TTC3: variants seen among roughly 807,000 people sequenced by gnomAD.
TTC3 encodes the protein tetratricopeptide repeat domain 3, also known as E3 ubiquitin-protein ligase TTC3.
TTC3 carries 180 observed loss-of-function variants against 249.6 expected under a neutral mutation model. That is an observed-to-expected ratio of 0.72 (90% CI 0.64 to 0.82). The LOEUF (loss-of-function observed/expected upper bound fraction) is 0.82, where lower values mean the gene tolerates loss of function less well. Among genes scored for constraint, TTC3 ranks in the 40% least tolerant of loss-of-function variants. TTC3 has a pLI of 0.00. For synonymous variants in TTC3, 717 were observed against 805.0 expected, an observed-to-expected ratio of 0.89 and a Z score of 1.85; for missense variants, 2,061 against 2,398.4, an observed-to-expected ratio of 0.86 and a Z score of 2.94.
Position 37,087,329 on chromosome 21 carries a change from T to C in TTC3, c.72T>C (p.Asp24=), listed in dbSNP as rs148592918. 3.4e-5 allele frequency: 55 copies of C among 1,613,956 alleles called. No homozygotes were observed. In the African/African-American group the frequency reaches 7.2e-4, roughly 21 times the overall value. The stretch of plus-strand genomic sequence containing the variant: ...TGTTAGAAGATTGCCCTCACGTGGA[T>C]GATTGTGTCTTTGCTGCTGAATTTA... The change falls in exon 2 of 46, where the codon GAT becomes GAC. Residue 24 remains aspartate, a synonymous_variant. Transcript: ENST00000355666.
At position 37,194,435 on chromosome 21, in the gene TTC3, G is replaced by A. The variant is rs569832825; in HGVS notation, c.5218-1240G>A. The A allele has an allele frequency of 2.0e-5, 3 of 152,200 alleles. No individual in the cohort carries two copies. The Middle Eastern group carries it at 0.01, about 518-fold the overall frequency. The allele number at this position is 152,200 out of a possible 1,614,324, so 9.4% of individuals were successfully genotyped here. On this transcript the variant is annotated intron_variant, in intron 41 of 45. Coordinates refer to ENST00000355666, the Ensembl canonical transcript of TTC3. ...CGCGAGCCACTTAGAAGCTGATTTG[G>A]TGACCAGATGAACTTCTCGCGTTAC...
intron 34 of TTC3, among the ~76,000 whole-genome samples, chr21:37,168,872 T>G (rs1355984537): frequency 6.6e-6 from 1 of 152,178 alleles, no homozygotes; most frequent in Non-Finnish European, 1.5e-5. Flanking sequence ...GGCTTGGTCA[T>G]CTGCGGGAGT....
intron 21 of TTC3, among the ~76,000 whole-genome samples, chr21:37,145,151 A>C (rs2078873860): frequency 6.6e-6 from 1 of 152,246 alleles, no homozygotes; most frequent in South Asian, 2.1e-4. Context: ...AGAAGCATAA[A>C]GATGCTTTGC....
intron 39 of TTC3, 119 bp downstream of exon 39, chr21:37,188,714 C>G (rs909782770): frequency 3.4e-6 from 2 of 592,344 alleles, no homozygotes; most frequent in Non-Finnish European, 5.6e-6. Context: ...ATAATTGATA[C>G]ATGTTCAATT....
chr21:37,102,150 C>T (rs1209463163), intron 10 of TTC3, among the ~76,000 whole-genome samples: 1 of 152,008 alleles, frequency 6.6e-6, no homozygotes, highest in Non-Finnish European at 1.5e-5. Context: ...TAATTACAGA[C>T]ACTTTTTATT....
exon 33 of TTC3, chr21:37,165,634 A>G: frequency 6.2e-7 from 1 of 1,614,158 alleles, no homozygotes; most frequent in Non-Finnish European, 8.5e-7. Context: ...TTTTCCCAGA[A>G]GAAACTCGAC....
At position 37,110,401 on chromosome 21, in the gene TTC3, T is replaced by C. The variant is rs868691738; in HGVS notation, c.900+1955T>C. Among the ~76,000 whole-genome samples the C allele has an allele frequency of 1.5e-3, 226 of 147,214 alleles. 2 individuals are homozygous for C. The highest frequency in any genetic ancestry group is 5.1e-3 in the African/African-American group (206 of 40,520). ...GCTGAAAACCACGGCACGAGAACTATGTGACAAATGCACAAACCTCAGTAA... is the reference window on the plus strand; with the variant it reads ...GCTGAAAACCACGGCACGAGAACTACGTGACAAATGCACAAACCTCAGTAA... On this transcript the variant is annotated intron_variant, in intron 11 of 45. Coordinates refer to ENST00000355666, the Ensembl canonical transcript of TTC3.
exon 33 of TTC3, chr21:37,166,172 T>C: frequency 6.2e-7 from 1 of 1,614,204 alleles, no homozygotes; most frequent in Non-Finnish European, 8.5e-7. Context: ...ATACTGTACG[T>C]ATCTTCCTTT....
intron 33 of TTC3, among the ~76,000 whole-genome samples, chr21:37,166,881 GC>G (rs1210768342): frequency 6.6e-6 from 1 of 152,162 alleles, no homozygotes; most frequent in Non-Finnish European, 1.5e-5. Context: ...AGCAGGTGGA[GC>G]CAAAACGTCA....
chr21:37,125,990 A>T (rs1041624382), intron 14 of TTC3, 90 bp from the exon 15 acceptor site: 62 of 1,254,854 alleles, frequency 4.9e-5, no homozygotes, highest in Non-Finnish European at 6.1e-5. Context: ...ATTCTATCCT[A>T]TTCTATTCTA....
chr21:37,192,223 G>T lies in TTC3; in HGVS notation c.5217+10G>T. 6.5e-7 allele frequency: 1 copy of T among 1,529,606 alleles called. No homozygotes were observed. The highest frequency in any genetic ancestry group is 8.8e-7 in the Non-Finnish European group (1 of 1,132,360). The allele number at this position is 1,529,606 out of a possible 1,614,324, so 94.8% of individuals were successfully genotyped here. ...TCCTGCCTGTAACACGGTAAGTCTA[G>T]CACATCTTTTTTTTTTTTTTAAACC... On this transcript the variant is annotated intron_variant, in intron 41 of 45. Coordinates refer to ENST00000355666, the Ensembl canonical transcript of TTC3.
At chr21:37,080,248 AT>A (rs996835110) in intron 1 of TTC3, among the ~76,000 whole-genome samples, 20 of 151,118 alleles carry the variant, frequency 1.3e-4, no homozygotes, top group African/African-American at 4.1e-4. Context: ...TTCTATTTTG[AT>A]TTTTTCTTTG....
intron 37 of TTC3, among the ~76,000 whole-genome samples, chr21:37,186,289 CTAT>C (rs2083265460): frequency 6.6e-6 from 1 of 152,176 alleles, no homozygotes. Flanking sequence ...GCTTTTCTCA[CTAT>C]TGTTTCTTAC....
chr21:37,151,151 CAT>C (rs1489873043), intron 25 of TTC3, among the ~76,000 whole-genome samples: 17 of 152,208 alleles, frequency 1.1e-4, no homozygotes, highest in Middle Eastern at 3.6e-3. Flanking sequence ...TGTGAAATTA[CAT>C]GTTTGATTAA....
chr21:37,130,763 C>T (rs1481505155), intron 16 of TTC3, among the ~76,000 whole-genome samples: 1 of 151,190 alleles, frequency 6.6e-6, no homozygotes, highest in Non-Finnish European at 1.5e-5. Flanking sequence ...TTTCCTCCCT[C>T]ACTTTCTATC....
At chr21:37,131,196 G>C (rs1463349947) in intron 16 of TTC3, among the ~76,000 whole-genome samples, 1 of 152,120 alleles carries the variant, frequency 6.6e-6, no homozygotes, top group African/African-American at 2.4e-5. Flanking sequence ...ACTCAAGGTA[G>C]TGCCTCAGAT....
intron 18 of TTC3, among the ~76,000 whole-genome samples, chr21:37,136,798 G>T (rs928858721): frequency 6.6e-6 from 1 of 152,210 alleles, no homozygotes; most frequent in Non-Finnish European, 1.5e-5. Flanking sequence ...TGCCATCTAG[G>T]ACTTTCATAG....
intron 21 of TTC3, among the ~76,000 whole-genome samples, chr21:37,145,489 G>A (rs1042256120): frequency 6.6e-6 from 1 of 152,182 alleles, no homozygotes; most frequent in Non-Finnish European, 1.5e-5. Context: ...TATTGGCAAG[G>A]GTGTAGAAAA....
chr21:37,134,396 G>A (rs539909810), intron 17 of TTC3, among the ~76,000 whole-genome samples: 2 of 150,812 alleles, frequency 1.3e-5, no homozygotes, highest in East Asian at 3.9e-4. Flanking sequence ...GTTGCAGTGA[G>A]CCGAGATCTG....
Sources: allele counts gnomAD v4.1 joint callset (sites outside exome capture counted in the v4.1 genomes callset), GRCh38; gene constraint gnomAD v4.1.1; transcripts MANE v1.5; gene names NCBI Gene and HGNC (gene_info 2026-07-23, HGNC 2026-07-21).